Variants in XIRP2 observed in about 807,000 individuals in gnomAD.
XIRP2 encodes xin actin binding repeat containing 2.
In XIRP2, 236 loss-of-function variants were observed where a neutral mutation model predicts 277.0. The observed-to-expected ratio is 0.85, with a 90% CI of 0.77 to 0.95. The LOEUF (loss-of-function observed/expected upper bound fraction) is 0.95. Ranked by LOEUF, XIRP2 falls within the 40% of genes least tolerant of loss-of-function variation. The pLI is 0.00. For missense variants in XIRP2, 4,640 were observed against 4,157.5 expected, an observed-to-expected ratio of 1.12 and a Z score of -3.19; for synonymous variants, 1,490 against 1,416.5, an observed-to-expected ratio of 1.05 and a Z score of -1.17.
At chr2:166,951,177 A>C (rs1168562209) in intron 2 of XIRP2, among the ~76,000 whole-genome samples, 5 of 152,080 alleles carry the variant, frequency 3.3e-5, no homozygotes, top group African/African-American at 9.7e-5. Flanking sequence ...ATAATGTCAT[A>C]ATTAGTTAAG....
In XIRP2 at chr2:167,247,598, CAGG is replaced by C; in HGVS notation, c.6209_6211del (p.Gly2070del). 6.2e-7 allele frequency: 1 copy of C among 1,613,668 alleles called. No individual in the cohort carries two copies. Among genetic ancestry groups the C allele is most frequent in the East Asian group, 2.2e-5 (1 of 44,830 alleles). On this transcript the variant is annotated inframe_deletion, in exon 9 of 11. Transcript: ENST00000409195. ...AAAACGGGTGTCTGGACTGATACTACAGGAGAACAGCATCTTAGAGATGAATAT... is the reference window on the plus strand; with the variant it reads ...AAAACGGGTGTCTGGACTGATACTACAGAACAGCATCTTAGAGATGAATAT...
At chr2:167,221,005 C>G (rs181960405) in intron 5 of XIRP2, among the ~76,000 whole-genome samples, 7 of 152,150 alleles carry the variant, frequency 4.6e-5, no homozygotes, top group African/African-American at 1.4e-4. Context: ...GTTTCATTAT[C>G]TACTTTTAGA....
intron 3 of XIRP2, among the ~76,000 whole-genome samples, chr2:167,208,225 C>A (rs1693915376): frequency 6.6e-6 from 1 of 151,886 alleles, no homozygotes; most frequent in Non-Finnish European, 1.5e-5. Context: ...TTTAATTTTC[C>A]CCTTCCTCCT....
At position 167,250,936 on chromosome 2, in the gene XIRP2, C is replaced by T. The variant is rs1695470026; in HGVS notation, c.9544C>T (p.Leu3182Phe). 6.2e-7 allele frequency: 1 copy of T among 1,613,552 alleles called. No homozygotes were observed. The highest frequency in any genetic ancestry group is 1.7e-4 in the Middle Eastern group (1 of 6,056). ...TCCACCCAGGAGTCGCTCTGAACAA[C>T]TTGTCAGACTCAAAGACACCACTGC... ...PSPPRSRSEQ[L>F]VRLKDTTAKL... The change falls in exon 9 of 11, where the codon CTT (leucine) becomes TTT (phenylalanine). Residue 3182 changes from leucine to phenylalanine, a missense_variant. Coordinates refer to ENST00000409195, the MANE Select transcript of XIRP2 (RefSeq NM_152381.6).
chr2:166,910,746 A>G (rs1003318179), intron 2 of XIRP2, among the ~76,000 whole-genome samples: 5 of 152,134 alleles, frequency 3.3e-5, no homozygotes, highest in African/African-American at 9.7e-5. Context: ...TCTTGTAGGC[A>G]TTTAGTGCTG....
chr2:167,247,582 G>T lies in XIRP2; in HGVS notation c.6190G>T (p.Val2064Phe). The T allele has an allele frequency of 6.2e-7, 1 of 1,613,714 alleles. No individual in the cohort carries two copies. Among genetic ancestry groups the T allele is most frequent in the Non-Finnish European group, 8.5e-7 (1 of 1,179,770 alleles). ...NVLESGDKTG[V>F]WTDTTGEQHL... The stretch of plus-strand genomic sequence containing the variant: ...TTTGGAATCAGGAGACAAAACGGGT[G>T]TCTGGACTGATACTACAGGAGAACA... The change falls in exon 9 of 11, where the codon GTC becomes TTC. Residue 2064 changes from valine to phenylalanine, a missense_variant. By Grantham distance (50) the Val-to-Phe change is conservative. Coordinates refer to ENST00000409195, the MANE Select transcript of XIRP2 (RefSeq NM_152381.6).
intron 2 of XIRP2, among the ~76,000 whole-genome samples, chr2:166,963,514 G>A (rs1686349915): frequency 6.6e-6 from 1 of 151,898 alleles, no homozygotes; most frequent in African/African-American, 2.4e-5. Context: ...TGGAGGAGGA[G>A]AGACTCTTTC....
intron 2 of XIRP2, among the ~76,000 whole-genome samples, chr2:166,913,317 C>CCG (rs1553469499): frequency 5.3e-5 from 7 of 132,140 alleles, no homozygotes; most frequent in East Asian, 3.0e-4. Context: ...GGCACCCCCC[C>CCG]CCCCCAGCCT....
rs144744492 is a variant in XIRP2, at chr2:167,210,397, G to A, written c.563-338G>A. ...ACAAGATTGTTAGAAAAGTAAATTT[G>A]AAAATGCACACAGAATTTAGCATAC... On this transcript the variant is annotated intron_variant, in intron 3 of 10. Transcript: ENST00000409195. Among the ~76,000 whole-genome samples, 272 of 152,238 alleles carry A rather than the reference G, an allele frequency of 1.8e-3. 9 individuals are homozygous for A. The East Asian group carries it at 0.046, about 26-fold the overall frequency.
intron 2 of XIRP2, among the ~76,000 whole-genome samples, chr2:167,036,965 A>AC (rs1342997815): frequency 6.6e-5 from 10 of 151,910 alleles, no homozygotes; most frequent in Admixed American, 2.0e-4. Flanking sequence ...AGTGCCTTTC[A>AC]CCCTCCGCCA....
At chr2:166,932,120 G>A (rs2105369395) in intron 2 of XIRP2, among the ~76,000 whole-genome samples, 1 of 151,428 alleles carries the variant, frequency 6.6e-6, no homozygotes, top group East Asian at 1.9e-4. Context: ...GTATTTTTCT[G>A]GATTTGTTGG....
rs190634398 is a variant in XIRP2 at position 167,036,130 on chromosome 2, C to T, written c.409-99779C>T. On this transcript the variant is annotated intron_variant, in intron 2 of 10. Coordinates refer to ENST00000409195, the MANE Select transcript of XIRP2 (RefSeq NM_152381.6). The stretch of plus-strand genomic sequence containing the variant: ...CCCTCATGGAGAACCTCTGCTAGGG[C>T]GGTGTGGAAGGGAAATATGAGGTTG... Among the ~76,000 whole-genome samples, 535 of 152,270 alleles carry T rather than the reference C, an allele frequency of 3.5e-3. 4 individuals carry two copies. The highest frequency in any genetic ancestry group is 0.011 in the African/African-American group (469 of 41,572).
intron 2 of XIRP2, among the ~76,000 whole-genome samples, chr2:167,121,554 A>G (rs1481241223): frequency 1.3e-5 from 2 of 152,222 alleles, no homozygotes; most frequent in African/African-American, 2.4e-5. Flanking sequence ...AATGTGGTCA[A>G]TTGAAACTAG....
At chr2:167,195,912 C>T (rs899234285) in intron 3 of XIRP2, among the ~76,000 whole-genome samples, 4 of 152,156 alleles carry the variant, frequency 2.6e-5, no homozygotes, top group Non-Finnish European at 5.9e-5. Flanking sequence ...CCCACTCAGC[C>T]TGGGCCCTGC....
At chr2:167,001,680 T>C (rs1006843364) in intron 2 of XIRP2, among the ~76,000 whole-genome samples, 6 of 152,160 alleles carry the variant, frequency 3.9e-5, no homozygotes, top group African/African-American at 9.6e-5. Context: ...CTGTAAAACT[T>C]AGGATTTTGT....
intron 5 of XIRP2, among the ~76,000 whole-genome samples, chr2:167,225,443 T>C (rs771743846): frequency 2.0e-5 from 3 of 152,160 alleles, no homozygotes; most frequent in Non-Finnish European, 2.9e-5. Context: ...TTCTGGTTTG[T>C]GCAGTTGGAA....
intron 2 of XIRP2, among the ~76,000 whole-genome samples, chr2:166,942,912 C>T (rs1685758000): frequency 6.6e-6 from 1 of 152,022 alleles, no homozygotes; most frequent in Admixed American, 6.6e-5. Context: ...TTGAATTTCT[C>T]AAACAGCATC....
At chr2:166,920,448 T>G (rs1685007116) in intron 2 of XIRP2, among the ~76,000 whole-genome samples, 1 of 152,118 alleles carries the variant, frequency 6.6e-6, no homozygotes, top group Non-Finnish European at 1.5e-5. Context: ...TCCTGGACAG[T>G]GCCAGAAATC....
In XIRP2 at chr2:167,249,160, CA is replaced by C; in HGVS notation, c.7774del (p.Thr2592ProfsTer30). On this transcript the variant is annotated frameshift_variant, in exon 9 of 11. Transcript: ENST00000409195. LOFTEE classifies it high-confidence loss of function. ...ITEVEKEMPL[Q>X]KTNEEVSLSG... ...AGAGGTGGAAAAGGAAATGCCATTACAAAAAACCAATGAGGAGGTTTCCCTA... is the reference window on the plus strand; with the variant it reads ...AGAGGTGGAAAAGGAAATGCCATTACAAAAACCAATGAGGAGGTTTCCCTA... The C allele has an allele frequency of 3.1e-6, 5 of 1,613,628 alleles. No individual in the cohort carries two copies. The highest frequency in any genetic ancestry group is 3.4e-6 in the Non-Finnish European group (4 of 1,179,774).
Sources: gnomAD v4.1 joint callset for allele counts (sites outside exome capture counted in the v4.1 genomes callset) on GRCh38, gnomAD v4.1.1 for gene constraint, MANE v1.5 for transcripts, NCBI Gene and HGNC (gene_info 2026-07-23, HGNC 2026-07-21) for gene names.